GRM1: variants seen among roughly 807,000 people sequenced by gnomAD.
GRM1 encodes metabotropic glutamate receptor 1.
Under a neutral mutation model 90.9 loss-of-function variants are expected in GRM1, and 33 were observed. The observed-to-expected ratio is 0.36, with a 90% CI of 0.28 to 0.49. GRM1 has a LOEUF of 0.49. Among genes scored for constraint, GRM1 ranks in the 20% least tolerant of loss-of-function variants. The probability of loss-of-function intolerance (pLI) is 0.99; values close to 1 mark genes in which losing one functional copy is unlikely to be tolerated. For missense variants in GRM1, 1,190 were observed against 1,534.3 expected, an observed-to-expected ratio of 0.78 and a Z score of 3.75; for synonymous variants, 700 against 613.2, an observed-to-expected ratio of 1.14 and a Z score of -2.09.
At chr6:146,348,716 G>A (rs765164603) in intron 3 of GRM1, among the ~76,000 whole-genome samples, 5 of 152,230 alleles carry the variant, frequency 3.3e-5, no homozygotes, top group Non-Finnish European at 7.3e-5. Flanking sequence ...TTGGGTGCCA[G>A]TACTTGTAGT....
intron 2 of GRM1, among the ~76,000 whole-genome samples, chr6:146,217,459 A>T (rs1178974992): frequency 6.6e-6 from 1 of 152,250 alleles, no homozygotes; most frequent in East Asian, 1.9e-4. Context: ...GGGCTGAATT[A>T]ATATTTTAAG....
At chr6:146,345,120 A>C (rs974309463) in intron 3 of GRM1, among the ~76,000 whole-genome samples, 5 of 152,188 alleles carry the variant, frequency 3.3e-5, no homozygotes, top group African/African-American at 1.2e-4. Flanking sequence ...CAAAATCCAC[A>C]GTATATCTTA....
chr6:146,132,637 A>C (rs897621494), intron 1 of GRM1, among the ~76,000 whole-genome samples: 5 of 152,286 alleles, frequency 3.3e-5, no homozygotes, highest in Non-Finnish European at 5.9e-5. Flanking sequence ...GGGTCCAGGA[A>C]ACAGACATAT....
intron 2 of GRM1, among the ~76,000 whole-genome samples, chr6:146,274,920 C>G (rs1242248863): frequency 6.6e-6 from 1 of 152,118 alleles, no homozygotes; most frequent in Non-Finnish European, 1.5e-5. Flanking sequence ...ATCCCAGCCA[C>G]TCAGGAGGCT....
chr6:146,202,527 A>G (rs1779333411), intron 2 of GRM1, among the ~76,000 whole-genome samples: 1 of 152,234 alleles, frequency 6.6e-6, no homozygotes, highest in Non-Finnish European at 1.5e-5. Flanking sequence ...AATATCATTT[A>G]CAATTCTTAA....
At chr6:146,406,578 T>C (rs1401252860) in intron 7 of GRM1, among the ~76,000 whole-genome samples, 2 of 152,050 alleles carry the variant, frequency 1.3e-5, no homozygotes, top group Non-Finnish European at 2.9e-5. Flanking sequence ...CCTATAGTCC[T>C]AGCATTTTGG....
intron 1 of GRM1, among the ~76,000 whole-genome samples, chr6:146,150,938 G>GCACACACACACA (rs143821112): frequency 8.0e-4 from 120 of 150,816 alleles, no homozygotes; most frequent in Admixed American, 2.6e-3. Flanking sequence ...GCGTGTGCGC[G>GCACACACACACA]CACACACACA....
intron 3 of GRM1, among the ~76,000 whole-genome samples, chr6:146,319,031 C>T (rs1326037352): frequency 2.0e-5 from 3 of 152,132 alleles, no homozygotes; most frequent in African/African-American, 7.2e-5. Flanking sequence ...GCTTTTGTTG[C>T]CATTGCTTTT....
At chr6:146,210,301 T>G (rs1352090187) in intron 2 of GRM1, among the ~76,000 whole-genome samples, 1 of 152,168 alleles carries the variant, frequency 6.6e-6, no homozygotes, top group Non-Finnish European at 1.5e-5. Context: ...TTCTGTGAAA[T>G]CGGGATAATA....
At chr6:146,047,664 G>A (rs148211245) in intron 1 of GRM1, among the ~76,000 whole-genome samples, 6 of 151,828 alleles carry the variant, frequency 4.0e-5, no homozygotes, top group African/African-American at 1.4e-4. Flanking sequence ...GTCCCCTCTA[G>A]CATCATGCAC....
At chr6:146,263,505 A>G (rs569352413) in intron 2 of GRM1, among the ~76,000 whole-genome samples, 1 of 152,122 alleles carries the variant, frequency 6.6e-6, no homozygotes, top group South Asian at 2.1e-4. Context: ...TGTTCAAAAA[A>G]TTATAAAATA....
chr6:146,064,808 T>A (rs889922154), intron 1 of GRM1, among the ~76,000 whole-genome samples: 15 of 150,090 alleles, frequency 1.0e-4, no homozygotes, highest in South Asian at 4.2e-4. Flanking sequence ...AAAAAAAAAA[T>A]TTTGTTCTTT....
chr6:146,088,765 C>G (rs1440052796), intron 1 of GRM1, among the ~76,000 whole-genome samples: 1 of 152,048 alleles, frequency 6.6e-6, no homozygotes, highest in Non-Finnish European at 1.5e-5. Flanking sequence ...CAGTAGCTGC[C>G]CCCGTGCCTC....
intron 1 of GRM1, among the ~76,000 whole-genome samples, chr6:146,047,186 G>C (rs1335876969): frequency 6.6e-6 from 1 of 151,938 alleles, no homozygotes; most frequent in Non-Finnish European, 1.5e-5. Flanking sequence ...TCTTCCATCT[G>C]CTATGTTAGT....
Position 146,434,982 on chromosome 6 carries a change from A to G in GRM1, c.*186A>G. On this transcript the variant is annotated 3_prime_UTR_variant, in exon 8 of 8. Coordinates refer to ENST00000282753, the MANE Select transcript of GRM1 (RefSeq NM_001278064.2). Reference sequence around the variant, plus strand: ...AGGAAGAGAGGGAAGGACACCAAGCAAAAAATGTTCCAGGCCAGGATTCGG... The same window carrying G: ...AGGAAGAGAGGGAAGGACACCAAGCGAAAAATGTTCCAGGCCAGGATTCGG... 1.6e-6 allele frequency: 1 copy of G among 609,592 alleles called. No individual in the cohort carries two copies. The highest frequency in any genetic ancestry group is 2.9e-6 in the Non-Finnish European group (1 of 345,674). 37.8% of individuals were successfully genotyped at this position (609,592 alleles called of 1,614,324 possible). A position where few individuals can be genotyped will look rare whatever the true frequency, so the allele number is the denominator to read the frequency against.
At position 146,428,709 on chromosome 6, in the gene GRM1, C is replaced by T. The variant is rs146246350; in HGVS notation, c.2661-5163C>T. Among the ~76,000 whole-genome samples, 395 of 152,242 alleles carry T rather than the reference C, an allele frequency of 2.6e-3. 3 individuals are homozygous for T. Among genetic ancestry groups the T allele is most frequent in the South Asian group, 0.023 (113 of 4,824 alleles). On this transcript the variant is annotated intron_variant, in intron 7 of 7. Transcript: ENST00000282753. Reference sequence around the variant, plus strand: ...ATTTGTTATACCTCTGCTAAAGCAACGCCATGGTACCAACATGTTGTCTTA... The same window carrying T: ...ATTTGTTATACCTCTGCTAAAGCAATGCCATGGTACCAACATGTTGTCTTA...
intron 5 of GRM1, chr6:146,364,906 T>C (rs1312865581): frequency 6.6e-6 from 1 of 152,024 alleles, no homozygotes; most frequent in Non-Finnish European, 1.5e-5. Flanking sequence ...AAGTTAACAA[T>C]AACATCTTCA....
intron 2 of GRM1, chr6:146,159,916 TA>T (rs566531460): frequency 0.055 from 3,673 of 66,278 alleles, 23 homozygotes; most frequent in South Asian, 0.13. Context: ...ACCTTAACTA[TA>T]AAAAAAAAAA....
At chr6:146,162,608 C>G (rs1233090248) in intron 2 of GRM1, among the ~76,000 whole-genome samples, 1 of 152,082 alleles carries the variant, frequency 6.6e-6, no homozygotes, top group Non-Finnish European at 1.5e-5. Context: ...TCACTCATCA[C>G]CTCACATGCC....
Sources: allele counts gnomAD v4.1 joint callset (sites outside exome capture counted in the v4.1 genomes callset), GRCh38; gene constraint gnomAD v4.1.1; transcripts MANE v1.5; gene names NCBI Gene and HGNC (gene_info 2026-07-23, HGNC 2026-07-21).